Variants in BCL2 observed in about 807,000 individuals in gnomAD.
BCL2 encodes the protein apoptosis regulator Bcl-2.
Under a neutral mutation model 14.2 loss-of-function variants are expected in BCL2, and 1 was observed. The observed-to-expected ratio is 0.07, with a 90% CI of 0.02 to 0.33. The LOEUF (loss-of-function observed/expected upper bound fraction) is 0.33, where lower values mean the gene tolerates loss of function less well. Among genes scored for constraint, BCL2 ranks in the 10% least tolerant of loss-of-function variants. The pLI is 0.99. For missense variants in BCL2, 247 were observed against 305.9 expected (o/e 0.81, Z 1.44); for synonymous variants, 151 against 137.2 (o/e 1.10, Z -0.70).
At chr18:63,288,340 G>A (rs542697327) in intron 2 of BCL2, among the ~76,000 whole-genome samples, 3 of 152,240 alleles carry the variant, frequency 2.0e-5, no homozygotes, top group Non-Finnish European at 4.4e-5. Context: ...TACTTGCCAC[G>A]AACACTACCA....
At chr18:63,212,030 A>G (rs771268865) in intron 2 of BCL2, among the ~76,000 whole-genome samples, 9 of 152,226 alleles carry the variant, frequency 5.9e-5, no homozygotes, top group Non-Finnish European at 1.2e-4. Context: ...ATGTGGCCCT[A>G]AAAATACTCC....
At chr18:63,311,972 A>G (rs986159952) in intron 2 of BCL2, among the ~76,000 whole-genome samples, 1 of 152,258 alleles carries the variant, frequency 6.6e-6, no homozygotes, top group African/African-American at 2.4e-5. Context: ...CTTGCACTAG[A>G]GGAATCAAAG....
chr18:63,225,415 TGC>T (rs1485841237), intron 2 of BCL2, among the ~76,000 whole-genome samples: 1 of 152,118 alleles, frequency 6.6e-6, no homozygotes, highest in Non-Finnish European at 1.5e-5. Flanking sequence ...TATTTAGAAA[TGC>T]AGAGACATAT....
At chr18:63,308,097 C>T (rs1913195011) in intron 2 of BCL2, among the ~76,000 whole-genome samples, 1 of 152,164 alleles carries the variant, frequency 6.6e-6, no homozygotes, top group Non-Finnish European at 1.5e-5. Context: ...CTGGCTTGAA[C>T]CAGAATAGAG....
chr18:63,304,636 T>C (rs1236772733), intron 2 of BCL2, among the ~76,000 whole-genome samples: 2 of 152,196 alleles, frequency 1.3e-5, no homozygotes, highest in African/African-American at 4.8e-5. Context: ...ATGTACAGGT[T>C]TGTCACATAG....
intron 2 of BCL2, among the ~76,000 whole-genome samples, chr18:63,133,527 A>G (rs1054833638): frequency 7.9e-5 from 12 of 151,882 alleles, no homozygotes; most frequent in Admixed American, 5.9e-4. Context: ...GCCTCAAGTG[A>G]TCCTCCCACC....
intron 2 of BCL2, among the ~76,000 whole-genome samples, chr18:63,192,341 C>T (rs1210923250): frequency 6.6e-6 from 1 of 152,138 alleles, no homozygotes; most frequent in African/African-American, 2.4e-5. Context: ...GAAGTCAGTT[C>T]GAGTGGCCCA....
intron 2 of BCL2, among the ~76,000 whole-genome samples, chr18:63,282,449 A>C (rs1912345411): frequency 6.6e-6 from 1 of 152,236 alleles, no homozygotes; most frequent in Admixed American, 6.5e-5. Context: ...CGATCTGTCC[A>C]AATACCCAGT....
At chr18:63,293,585 G>A (rs922123874) in intron 2 of BCL2, among the ~76,000 whole-genome samples, 4 of 152,216 alleles carry the variant, frequency 2.6e-5, no homozygotes, top group Non-Finnish European at 5.9e-5. Context: ...CAGGCTCTGA[G>A]GAGGCAGCTT....
chr18:63,201,452 G>A (rs1043512769), intron 2 of BCL2, among the ~76,000 whole-genome samples: 4 of 152,186 alleles, frequency 2.6e-5, no homozygotes, highest in Middle Eastern at 3.4e-3. Context: ...ATGATTTTAC[G>A]GAATCAGTGA....
intron 2 of BCL2, among the ~76,000 whole-genome samples, chr18:63,144,139 A>T (rs188071573): frequency 8.5e-5 from 13 of 152,350 alleles, no homozygotes; most frequent in African/African-American, 2.9e-4. Flanking sequence ...TGTTTTTCAT[A>T]GTATAATTGG....
intron 2 of BCL2, among the ~76,000 whole-genome samples, chr18:63,189,787 C>T (rs1441692088): frequency 1.3e-5 from 2 of 149,614 alleles, no homozygotes; most frequent in African/African-American, 4.9e-5. Flanking sequence ...TATTAACAGC[C>T]GTTTCTGAGA....
rs529823307 is a variant in BCL2, at chr18:63,183,899, T to C, written c.586-55140A>G. On this transcript the variant is annotated intron_variant, in intron 2 of 2. Coordinates refer to ENST00000333681, the MANE Select transcript of BCL2 (RefSeq NM_000633.3). ...AACCACACACCTCTCTCACCACCCT[T>C]CTTTGAGTGTATCTTAAGGCAGCAC... Among the ~76,000 whole-genome samples, 119 of 152,264 alleles carry C rather than the reference T, an allele frequency of 7.8e-4. 1 individual carries two copies. Among genetic ancestry groups the C allele is most frequent in the African/African-American group, 2.7e-3 (114 of 41,550 alleles).
chr18:63,145,242 A>G (rs1291416575), intron 2 of BCL2, among the ~76,000 whole-genome samples: 1 of 152,246 alleles, frequency 6.6e-6, no homozygotes, highest in East Asian at 1.9e-4. Context: ...GATCAGCTCA[A>G]CTATTCTTGC....
chr18:63,295,211 A>G (rs1912766428), intron 2 of BCL2, among the ~76,000 whole-genome samples: 1 of 151,634 alleles, frequency 6.6e-6, no homozygotes, highest in African/African-American at 2.4e-5. Context: ...TATAATTCAT[A>G]GAAAGTGTAG....
At position 63,124,071 on chromosome 18, in the gene BCL2, G is replaced by A; in HGVS notation, c.*4554C>T. 2 of 221,690 alleles carry A rather than the reference G, an allele frequency of 9.0e-6. No homozygotes were observed. The highest frequency in any genetic ancestry group is 1.8e-5 in the Non-Finnish European group (2 of 110,854). The allele number at this position is 221,690 out of a possible 1,614,324, so 13.7% of individuals were successfully genotyped here. On this transcript the variant is annotated 3_prime_UTR_variant, in exon 3 of 3. Coordinates refer to ENST00000333681, the MANE Select transcript of BCL2 (RefSeq NM_000633.3). ...GATGAACCGGTACAGTACCATTCATGCTCCATCTGATTTTCTTTGCATCCA... is the reference window on the plus strand; with the variant it reads ...GATGAACCGGTACAGTACCATTCATACTCCATCTGATTTTCTTTGCATCCA...
In BCL2 at chr18:63,191,293, G is replaced by T. The variant is rs575323660; in HGVS notation, c.586-62534C>A. On this transcript the variant is annotated intron_variant, in intron 2 of 2. Transcript: ENST00000333681. ...GAATCGCTATACTATCTTCCACAAT[G>T]GTTCAACTAATTTACATTCCCACCA... 1.3e-4 allele frequency among the ~76,000 whole-genome samples: 20 copies of T among 152,266 alleles called. No homozygotes were observed. The East Asian group carries it at 3.9e-3, about 29-fold the overall frequency.
intron 2 of BCL2, among the ~76,000 whole-genome samples, chr18:63,185,820 G>T (rs1006055187): frequency 6.6e-6 from 1 of 152,238 alleles, no homozygotes; most frequent in Non-Finnish European, 1.5e-5. Context: ...GTAAGTAACA[G>T]AGCCAGGACT....
rs1913926398 is a variant in BCL2, at chr18:63,126,979, T to C, written c.*1646A>G. ...CTGGAAGAAAAAAAAATTTCCTAGT[T>C]TATTTGCTGAAGATGTCACTTCTTT... On this transcript the variant is annotated 3_prime_UTR_variant, in exon 3 of 3. Transcript: ENST00000333681. 4.4e-6 allele frequency: 1 copy of C among 227,374 alleles called. No individual in the cohort carries two copies. The highest frequency in any genetic ancestry group is 5.7e-5 in the Admixed American group (1 of 17,608). 14.1% of individuals were successfully genotyped at this position (227,374 alleles called of 1,614,324 possible).
Sources: gnomAD v4.1 joint callset for allele counts (sites outside exome capture counted in the v4.1 genomes callset) on GRCh38, gnomAD v4.1.1 for gene constraint, MANE v1.5 for transcripts, NCBI Gene and HGNC (gene_info 2026-07-23, HGNC 2026-07-21) for gene names.